PAX2: variants seen among roughly 807,000 people sequenced by gnomAD.
The protein encoded by PAX2 is paired box protein Pax-2.
Under a neutral mutation model 41.7 loss-of-function variants are expected in PAX2, and 9 were observed. That is an observed-to-expected ratio of 0.22 (90% CI 0.13 to 0.38). The LOEUF is 0.38. Among genes scored for constraint, PAX2 ranks in the 10% least tolerant of loss-of-function variants. The pLI, the probability that PAX2 is intolerant of heterozygous loss-of-function variation, is 1.00. For missense variants in PAX2, 418 were observed against 531.6 expected, an observed-to-expected ratio of 0.79 and a Z score of 2.10; for synonymous variants, 221 against 212.7, an observed-to-expected ratio of 1.04 and a Z score of -0.34.
intron 3 of PAX2, among the ~76,000 whole-genome samples, chr10:100,765,914 T>G (rs1021800008): frequency 1.2e-5 from 1 of 84,568 alleles, no homozygotes; most frequent in African/African-American, 6.7e-5. Context: ...AGCCTTTATA[T>G]TTATCATCAT....
In PAX2 at chr10:100,824,865, T is replaced by C. The variant is rs1372673712; in HGVS notation, c.1021+116T>C. Reference sequence around the variant, plus strand: ...GGGGGGAGACACAACGTCCCCTCCCTGCAAACCACTGCTATTCTGTCCCTC... The same window carrying C: ...GGGGGGAGACACAACGTCCCCTCCCCGCAAACCACTGCTATTCTGTCCCTC... On this transcript the variant is annotated intron_variant, in intron 8 of 9. Coordinates refer to ENST00000355243, the MANE Select transcript of PAX2 (RefSeq NM_000278.5). This position sits in a 1 kb window ranked among gnomAD's most constrained non-coding sequence, Gnocchi z 6.6. The C allele has an allele frequency of 5.7e-6, 9 of 1,585,376 alleles. 1 individual carries two copies. The South Asian group carries it at 9.9e-5, about 18-fold the overall frequency.
chr10:100,773,325 A>G (rs1296455006), intron 3 of PAX2, among the ~76,000 whole-genome samples: 1 of 152,198 alleles, frequency 6.6e-6, no homozygotes, highest in East Asian at 1.9e-4. Flanking sequence ...TTGCTCCTAG[A>G]AAGCCTGCCC....
At chr10:100,749,516 C>A in intron 1 of PAX2, 1 of 1,335,980 alleles carries the variant, frequency 7.5e-7, no homozygotes, top group Non-Finnish European at 9.5e-7. Flanking sequence ...CCTTGCGTCG[C>A]AAGGCCTGAG....
chr10:100,799,872 C>T (rs1206168244), intron 5 of PAX2, among the ~76,000 whole-genome samples: 1 of 150,832 alleles, frequency 6.6e-6, no homozygotes, highest in Non-Finnish European at 1.5e-5. Context: ...GCAACCTCCG[C>T]CTCCTGGGTT....
chr10:100,780,200 A>G (rs74152673), intron 4 of PAX2, among the ~76,000 whole-genome samples: 200 of 151,730 alleles, frequency 1.3e-3, no homozygotes, highest in African/African-American at 4.6e-3. Flanking sequence ...CCCACTCTGT[A>G]TCTCTCATCC....
At chr10:100,771,809 TTC>T (rs931924278) in intron 3 of PAX2, among the ~76,000 whole-genome samples, 13 of 143,628 alleles carry the variant, frequency 9.1e-5, no homozygotes, top group Admixed American at 8.2e-4. Flanking sequence ...AGCAAATATC[TTC>T]TTTTTTTTTT....
At chr10:100,745,167 G>A (rs1169976462), upstream of PAX2, among the ~76,000 whole-genome samples, 2 of 152,206 alleles carry the variant, frequency 1.3e-5, no homozygotes, top group African/African-American at 4.8e-5. Context: ...GCTTCACAGC[G>A]CAGCGCGCTC....
intron 6 of PAX2, among the ~76,000 whole-genome samples, chr10:100,807,813 C>T (rs143527297): frequency 1.3e-5 from 2 of 152,372 alleles, no homozygotes; most frequent in East Asian, 1.9e-4. Context: ...CACACATGCA[C>T]GTCAGTGCAG....
At chr10:100,757,316 A>G (rs566268870) in intron 3 of PAX2, among the ~76,000 whole-genome samples, 1 of 152,352 alleles carries the variant, frequency 6.6e-6, no homozygotes, top group East Asian at 1.9e-4. Flanking sequence ...GCAAGTAGTC[A>G]TTGGGCCACT....
upstream of PAX2, among the ~76,000 whole-genome samples, chr10:100,743,308 T>G (rs1845033901): frequency 6.6e-6 from 1 of 152,162 alleles, no homozygotes. Flanking sequence ...CTCTACAAAA[T>G]GGAAAATCCT....
rs1348755937 is a variant in PAX2 at position 100,800,273 on chromosome 10, C to T, written c.617-6157C>T. ...TCTTTATTTTTCTTTTCTTTTCTTT[C>T]TTTTTTTTTTTTTTTTTTTTTTTTG... is the stretch of plus-strand genomic sequence containing the variant. On this transcript the variant is annotated intron_variant, in intron 5 of 9. Transcript: ENST00000355243. 2.8e-5 allele frequency among the ~76,000 whole-genome samples: 3 copies of T among 108,386 alleles called. 1 individual carries two copies. 71.1% of individuals were successfully genotyped at this position (108,386 alleles called of 152,430 possible).
At chr10:100,801,446 T>TTACA (rs1847560627) in intron 5 of PAX2, among the ~76,000 whole-genome samples, 1 of 152,232 alleles carries the variant, frequency 6.6e-6, no homozygotes, top group Non-Finnish European at 1.5e-5. Flanking sequence ...ATTAATTTAT[T>TTACA]TACATACTAT....
At chr10:100,810,743 T>C (rs1001762456) in intron 7 of PAX2, among the ~76,000 whole-genome samples, 3 of 152,182 alleles carry the variant, frequency 2.0e-5, no homozygotes, top group African/African-American at 7.2e-5. Context: ...GGCCATAGTC[T>C]AGAAGGCAAG....
At chr10:100,761,194 T>G (rs1397158669) in intron 3 of PAX2, among the ~76,000 whole-genome samples, 2 of 151,704 alleles carry the variant, frequency 1.3e-5, no homozygotes, top group African/African-American at 4.8e-5. Flanking sequence ...GTGGTACCTT[T>G]TTTTTTTTAA....
In PAX2 at chr10:100,750,238, G is replaced by T. The variant is rs930661057; in HGVS notation, c.212+324G>T. Among the ~76,000 whole-genome samples the T allele has an allele frequency of 2.4e-5, 3 of 127,388 alleles. No individual in the cohort carries two copies. The highest frequency in any genetic ancestry group is 7.1e-5 in the Admixed American group (1 of 14,114). 83.6% of individuals were successfully genotyped at this position (127,388 alleles called of 152,430 possible). On this transcript the variant is annotated intron_variant, in intron 2 of 9. Coordinates refer to ENST00000355243, the MANE Select transcript of PAX2 (RefSeq NM_000278.5). This position sits in a 1 kb window ranked among gnomAD's most constrained non-coding sequence, Gnocchi z 4.1. Reference sequence around the variant, plus strand: ...ACGGGGTGGGAGACATTAGAGGAATGGGGGGGGAGTGAAAATGGGTCCCCG... The same window carrying T: ...ACGGGGTGGGAGACATTAGAGGAATTGGGGGGGAGTGAAAATGGGTCCCCG...
chr10:100,825,997 A>G (rs1848545874), intron 8 of PAX2, among the ~76,000 whole-genome samples: 1 of 150,796 alleles, frequency 6.6e-6, no homozygotes, highest in Non-Finnish European at 1.5e-5. Flanking sequence ...GAGGTGGGGA[A>G]GAGGGGAGCC....
At chr10:100,788,137 CA>C (rs1846947267) in intron 5 of PAX2, among the ~76,000 whole-genome samples, 1 of 152,152 alleles carries the variant, frequency 6.6e-6, no homozygotes, top group Non-Finnish European at 1.5e-5. Context: ...GATGTGCAAG[CA>C]ATTGAAAAGA....
At chr10:100,763,260 A>G (rs1845898889) in intron 3 of PAX2, among the ~76,000 whole-genome samples, 1 of 152,254 alleles carries the variant, frequency 6.6e-6, no homozygotes, top group Non-Finnish European at 1.5e-5. Context: ...ATGGAAACCA[A>G]AACTTCAGTC....
intron 7 of PAX2, among the ~76,000 whole-genome samples, chr10:100,823,479 T>C (rs1439538082): frequency 1.3e-5 from 2 of 152,078 alleles, no homozygotes; most frequent in South Asian, 2.1e-4. Context: ...GGAATAGCCA[T>C]TGGGAGAATA....
Sources: allele counts gnomAD v4.1 joint callset (sites outside exome capture counted in the v4.1 genomes callset), GRCh38; gene constraint gnomAD v4.1.1; non-coding constraint Gnocchi (gnomAD v3.1); transcripts MANE v1.5; gene names NCBI Gene and HGNC (gene_info 2026-07-23, HGNC 2026-07-21).